The following ROR2 variants were observed in gnomAD, a reference collection of about 807,000 sequenced individuals.
ROR2 encodes the protein tyrosine-protein kinase transmembrane receptor ROR2.
A neutral mutation model predicts 74.9 loss-of-function variants in ROR2; 33 were observed. The observed-to-expected ratio is 0.44, with a 90% CI of 0.33 to 0.59. ROR2 has a LOEUF of 0.59. Ranked by LOEUF, ROR2 falls within the 20% of genes least tolerant of loss-of-function variation. The pLI is 0.02. For synonymous variants in ROR2, 586 were observed against 558.7 expected, an observed-to-expected ratio of 1.05 and a Z score of -0.69; for missense variants, 1,216 against 1,313.8, an observed-to-expected ratio of 0.93 and a Z score of 1.15.
intron 2 of ROR2, among the ~76,000 whole-genome samples, chr9:91,769,864 C>T (rs1244682590): frequency 1.3e-5 from 2 of 152,164 alleles, no homozygotes; most frequent in African/African-American, 4.8e-5. Context: ...GAGACCACGC[C>T]GCCTCATACT....
At chr9:91,875,223 T>G (rs914617397) in intron 1 of ROR2, among the ~76,000 whole-genome samples, 1 of 152,230 alleles carries the variant, frequency 6.6e-6, no homozygotes, top group Non-Finnish European at 1.5e-5. Context: ...ATCCTGCAAG[T>G]GCTTTCACAT....
intron 1 of ROR2, among the ~76,000 whole-genome samples, chr9:91,921,041 G>A (rs1322420973): frequency 6.6e-6 from 1 of 152,240 alleles, no homozygotes; most frequent in East Asian, 1.9e-4. Flanking sequence ...CCACCCGAGG[G>A]GGTGAACACA....
intron 6 of ROR2, among the ~76,000 whole-genome samples, chr9:91,732,425 A>T (rs1198092704): frequency 2.0e-5 from 3 of 152,094 alleles, no homozygotes; most frequent in African/African-American, 7.2e-5. Flanking sequence ...TGCAGACCCC[A>T]AACAGGCCAC....
intron 1 of ROR2, among the ~76,000 whole-genome samples, chr9:91,852,114 G>T (rs868603465): frequency 6.6e-6 from 1 of 151,666 alleles, no homozygotes; most frequent in East Asian, 1.9e-4. Flanking sequence ...GCTGCTACTG[G>T]TTTTTTTTCT....
At chr9:91,876,861 G>A (rs536540489) in intron 1 of ROR2, among the ~76,000 whole-genome samples, 27 of 152,250 alleles carry the variant, frequency 1.8e-4, no homozygotes, top group African/African-American at 5.3e-4. Flanking sequence ...GAAAAAAAGT[G>A]GGAGAGAGGA....
chr9:91,762,276 A>G (rs1825936101), intron 2 of ROR2, among the ~76,000 whole-genome samples: 1 of 152,162 alleles, frequency 6.6e-6, no homozygotes, highest in South Asian at 2.1e-4. Context: ...TAATTAACTT[A>G]ATCCCATTTG....
chr9:91,889,791 C>G (rs1447125626), intron 1 of ROR2, among the ~76,000 whole-genome samples: 2 of 152,214 alleles, frequency 1.3e-5, no homozygotes, highest in African/African-American at 2.4e-5. Flanking sequence ...TACATTTGTG[C>G]ACCCCGCCTC....
chr9:91,752,102 T>C (rs1825611535), intron 4 of ROR2, among the ~76,000 whole-genome samples: 1 of 152,218 alleles, frequency 6.6e-6, no homozygotes, highest in African/African-American at 2.4e-5. Flanking sequence ...CACACCAATG[T>C]TGGGAAATAT....
intron 1 of ROR2, among the ~76,000 whole-genome samples, chr9:91,863,395 T>C (rs1279763821): frequency 6.6e-6 from 1 of 152,062 alleles, no homozygotes; most frequent in Non-Finnish European, 1.5e-5. Context: ...AAAATGTAGA[T>C]AGGAACATTC....
At chr9:91,917,394 C>T (rs1238905155) in intron 1 of ROR2, among the ~76,000 whole-genome samples, 1 of 152,162 alleles carries the variant, frequency 6.6e-6, no homozygotes, top group Admixed American at 6.5e-5. Context: ...TGGGGAAGTA[C>T]GATCCATGTC....
intron 1 of ROR2, among the ~76,000 whole-genome samples, chr9:91,909,859 T>TTG (rs1554691409): frequency 3.1e-5 from 4 of 127,004 alleles, no homozygotes; most frequent in East Asian, 4.5e-4. Context: ...TTTTTTTTTT[T>TTG]TTTTTTTTTT....
At chr9:91,890,069 G>GT (rs1475085165) in intron 1 of ROR2, among the ~76,000 whole-genome samples, 17 of 152,344 alleles carry the variant, frequency 1.1e-4, no homozygotes, top group African/African-American at 4.1e-4. Context: ...CAAGTGAGTA[G>GT]TAAGAGCCCA....
At chr9:91,820,529 C>G (rs1009869619) in intron 1 of ROR2, among the ~76,000 whole-genome samples, 2 of 152,194 alleles carry the variant, frequency 1.3e-5, no homozygotes, top group African/African-American at 2.4e-5. Flanking sequence ...CCACGGCAGG[C>G]AATCTACCAG....
intron 1 of ROR2, among the ~76,000 whole-genome samples, chr9:91,801,328 G>A (rs1002931755): frequency 3.3e-5 from 5 of 151,982 alleles, no homozygotes; most frequent in African/African-American, 9.7e-5. Flanking sequence ...AAATTTGCAC[G>A]CTTTTTTATT....
At chr9:91,934,653 T>A (rs919204081) in intron 1 of ROR2, among the ~76,000 whole-genome samples, 1 of 151,966 alleles carries the variant, frequency 6.6e-6, no homozygotes, top group Admixed American at 6.6e-5. Context: ...CCCATAGAAA[T>A]GTGTGGTTGG....
At chr9:91,760,410 G>T (rs60092492) in intron 2 of ROR2, among the ~76,000 whole-genome samples, 8,045 of 152,182 alleles carry the variant, frequency 0.053, 288 homozygotes, top group East Asian at 0.1. Flanking sequence ...GAAGCGAGTG[G>T]ATCATGAGGT....
intron 1 of ROR2, among the ~76,000 whole-genome samples, chr9:91,903,000 G>T (rs1830714079): frequency 6.6e-6 from 1 of 152,080 alleles, no homozygotes; most frequent in Non-Finnish European, 1.5e-5. Context: ...TTTCTGTCGG[G>T]GATGATGAAA....
chr9:91,884,442 ATTAC>A (rs1198105697), intron 1 of ROR2, among the ~76,000 whole-genome samples: 7 of 149,980 alleles, frequency 4.7e-5, no homozygotes, highest in African/African-American at 1.5e-4. Flanking sequence ...TACAAAAAGA[ATTAC>A]TTACTCTCCA....
chr9:91,802,067 GTTTTT>G (rs60111555), intron 1 of ROR2, among the ~76,000 whole-genome samples: 3,651 of 103,676 alleles, frequency 0.035, 166 homozygotes, highest in African/African-American at 0.12. Context: ...TTTGGAAGGT[GTTTTT>G]TTTTTTTTTT....
Sources: allele counts gnomAD v4.1 joint callset (sites outside exome capture counted in the v4.1 genomes callset), GRCh38; gene constraint gnomAD v4.1.1; transcripts MANE v1.5; gene names NCBI Gene and HGNC (gene_info 2026-07-23, HGNC 2026-07-21).